The following CSE1L variants were observed in gnomAD, a reference collection of about 807,000 sequenced individuals.
The protein encoded by CSE1L is chromosome segregation 1 like.
Under a neutral mutation model 120.4 loss-of-function variants are expected in CSE1L, and 24 were observed. The observed-to-expected ratio is 0.20, with a 90% confidence interval of 0.14 to 0.28. The LOEUF is 0.28. Ranked by LOEUF, CSE1L falls within the 10% of genes least tolerant of loss-of-function variation. The pLI is 1.00. For missense variants in CSE1L, 830 were observed against 1,145.2 expected, an observed-to-expected ratio of 0.72 and a Z score of 3.97; for synonymous variants, 402 against 398.3, an observed-to-expected ratio of 1.01 and a Z score of -0.11.
At chr20:49,075,210 T>C in intron 11 of CSE1L, 108 bp from the exon 12 acceptor site, 2 of 914,642 alleles carry the variant, frequency 2.2e-6, no homozygotes, top group Non-Finnish European at 1.6e-6. Flanking sequence ...TTTTTCCGTT[T>C]TACAATCGTA....
intron 8 of CSE1L, among the ~76,000 whole-genome samples, chr20:49,071,843 C>T (rs922278404): frequency 3.9e-5 from 6 of 151,906 alleles, no homozygotes; most frequent in African/African-American, 1.5e-4. Context: ...TGGCGGGTGC[C>T]TGTAGTCCCA....
chr20:49,055,173 A>T (rs1352294228), intron 1 of CSE1L, among the ~76,000 whole-genome samples: 1 of 152,180 alleles, frequency 6.6e-6, no homozygotes, highest in Non-Finnish European at 1.5e-5. Flanking sequence ...TAGTGAAACA[A>T]ATTTGCATAC....
chr20:49,058,682 T>TA (rs1260816338), intron 2 of CSE1L, 134 bp downstream of exon 2: 4 of 603,310 alleles, frequency 6.6e-6, no homozygotes, highest in African/African-American at 1.8e-5. Flanking sequence ...TTATAAGTGT[T>TA]ACAGCTGCTA....
Position 49,094,783 on chromosome 20 carries a change from T to A in CSE1L, c.2646T>A (p.Asp882Glu), listed in dbSNP as rs1159062213. The change falls in exon 24 of 25, where the codon GAT (aspartate) becomes GAA (glutamate). Residue 882 changes from aspartate (D) to glutamate (E), a missense_variant. Around this residue, in one of 4 missense-constraint regions of CSE1L, gnomAD observed 112 missense variants for 200.0 expected, o/e 0.56. Transcript: ENST00000262982. ...GTCTTTTTGAGTTACCCGAAGATGA[T>A]ACCATTCCTGATGAGGAACATTTTA... Reference protein sequence around the residue: ...LIGLFELPEDDTIPDEEHFID... With the variant: ...LIGLFELPEDETIPDEEHFID... 2.5e-6 allele frequency: 4 copies of A among 1,613,996 alleles called. No individual in the cohort carries two copies. The highest frequency in any genetic ancestry group is 3.4e-6 in the Non-Finnish European group (4 of 1,179,994).
Position 49,089,525 on chromosome 20 carries a change from C to T in CSE1L, c.1973-13C>T. The T allele has an allele frequency of 6.2e-7, 1 of 1,613,248 alleles. No individual in the cohort carries two copies. Among genetic ancestry groups the T allele is most frequent in the Non-Finnish European group, 8.5e-7 (1 of 1,179,256 alleles). ...TCTGAAGCTCACAGCTCTGTTTTTA[C>T]TTTTATCAACAGAATTTATTCCATA... is the stretch of plus-strand genomic sequence containing the variant. On this transcript the variant is annotated splice_polypyrimidine_tract_variant and intron_variant, in intron 18 of 24. Coordinates refer to ENST00000262982, the MANE Select transcript of CSE1L (RefSeq NM_001316.4).
chr20:49,093,848 T>C (rs1365163880), intron 22 of CSE1L, among the ~76,000 whole-genome samples: 1 of 150,406 alleles, frequency 6.6e-6, no homozygotes, highest in Non-Finnish European at 1.5e-5. Flanking sequence ...ACCCAGGAGG[T>C]GGAGGTTGTA....
At chr20:49,064,912 T>C (rs1007243544) in intron 3 of CSE1L, among the ~76,000 whole-genome samples, 2 of 151,408 alleles carry the variant, frequency 1.3e-5, no homozygotes, top group South Asian at 2.1e-4. Context: ...CCCAGCACTT[T>C]AGGAGGCTCA....
intron 2 of CSE1L, among the ~76,000 whole-genome samples, chr20:49,061,980 A>G (rs984626783): frequency 6.6e-6 from 1 of 152,180 alleles, no homozygotes; most frequent in African/African-American, 2.4e-5. Flanking sequence ...AGTGCGCAGA[A>G]ACATATGCAT....
chr20:49,085,562 ATTTTTTTTTT>A lies in CSE1L; in HGVS notation c.1723+194_1723+203del, dbSNP rs11471947. On this transcript the variant is annotated intron_variant, in intron 16 of 24. Transcript: ENST00000262982. The stretch of plus-strand genomic sequence containing the variant: ...ATTATCTTGTTTACTACTAACAATA[ATTTTTTTTTT>A]TTTTTTTTTTTTTTTTTGAGATGGA... Among the ~76,000 whole-genome samples, 4 of 80,252 alleles carry A rather than the reference ATTTTTTTTTT, an allele frequency of 5.0e-5. No homozygotes were observed. In the East Asian group the frequency reaches 1.1e-3, roughly 22 times the overall value. 52.6% of individuals were successfully genotyped at this position (80,252 alleles called of 152,430 possible).
At chr20:49,096,073 T>TA in intron 24 of CSE1L, 1 of 584,092 alleles carries the variant, frequency 1.7e-6, no homozygotes, top group East Asian at 3.3e-5. Context: ...GTTTCACGCG[T>TA]AAGTACCTTA....
chr20:49,093,674 T>G (rs1300053393), intron 22 of CSE1L, among the ~76,000 whole-genome samples: 1 of 150,848 alleles, frequency 6.6e-6, no homozygotes, highest in Admixed American at 6.6e-5. Flanking sequence ...CCTAGCACTT[T>G]GGGAGGCTGA....
At chr20:49,093,259 A>G (rs1249152234) in intron 22 of CSE1L, among the ~76,000 whole-genome samples, 4 of 152,172 alleles carry the variant, frequency 2.6e-5, no homozygotes, top group Non-Finnish European at 5.9e-5. Context: ...AGCAAAATGT[A>G]TGCACTTTTT....
At chr20:49,075,757 C>T (rs2091964231) in intron 12 of CSE1L, among the ~76,000 whole-genome samples, 2 of 152,198 alleles carry the variant, frequency 1.3e-5, no homozygotes, top group Non-Finnish European at 2.9e-5. Flanking sequence ...CCCGCTGTAT[C>T]AAATATGCTT....
At chr20:49,075,607 G>C (rs923567438) in intron 12 of CSE1L, 87 bp downstream of exon 12, 6 of 1,012,628 alleles carry the variant, frequency 5.9e-6, no homozygotes, top group African/African-American at 3.3e-5. Flanking sequence ...TCTGATAATA[G>C]AGCTTACTCT....
intron 21 of CSE1L, 21 bp from the exon 22 acceptor site, chr20:49,092,025 T>C (rs2092105803): frequency 4.5e-6 from 6 of 1,341,846 alleles, no homozygotes; most frequent in East Asian, 2.3e-5. Context: ...TATGCTGATA[T>C]TCTGCATCTT....
At chr20:49,067,642 A>G (rs935173609) in intron 6 of CSE1L, among the ~76,000 whole-genome samples, 2 of 152,018 alleles carry the variant, frequency 1.3e-5, no homozygotes, top group Non-Finnish European at 2.9e-5. Flanking sequence ...ATATTTATAC[A>G]TTATTTTACA....
rs375914788 is a variant in CSE1L at position 49,062,784 on chromosome 20, G to A, written c.86-418G>A. On this transcript the variant is annotated intron_variant, in intron 2 of 24. Transcript: ENST00000262982. The stretch of plus-strand genomic sequence containing the variant: ...CCATTTGGCTAATAATAATATATTA[G>A]GATGAATTGACTCATTTGCTCTTCA... Among the ~76,000 whole-genome samples the A allele has an allele frequency of 9.9e-5, 15 of 151,712 alleles. 1 individual carries two copies. The highest frequency in any genetic ancestry group is 8.3e-4 in the South Asian group (4 of 4,814).
chr20:49,051,019 C>T (rs930002983), intron 1 of CSE1L, among the ~76,000 whole-genome samples: 3 of 152,220 alleles, frequency 2.0e-5, no homozygotes, highest in African/African-American at 7.2e-5. Context: ...GTGCTCATCA[C>T]TATTGTAAGG....
intron 2 of CSE1L, among the ~76,000 whole-genome samples, chr20:49,061,195 C>T (rs1191880996): frequency 1.6e-5 from 2 of 122,814 alleles, no homozygotes; most frequent in Admixed American, 1.9e-4. Flanking sequence ...TTTTTGGAGA[C>T]GGAGTCTCCC....
Sources: gnomAD v4.1 joint callset for allele counts (sites outside exome capture counted in the v4.1 genomes callset) on GRCh38, gnomAD v4.1.1 for gene constraint, gnomAD v4.1.1 regional missense constraint, MANE v1.5 for transcripts, NCBI Gene and HGNC (gene_info 2026-07-23, HGNC 2026-07-21) for gene names.